The following PCDH15 variants were observed in gnomAD, a reference collection of about 807,000 sequenced individuals.
The protein encoded by PCDH15 is protocadherin related 15.
PCDH15 carries 129 observed loss-of-function variants against 178.5 expected under a neutral mutation model. The observed-to-expected ratio is 0.72, with a 90% CI of 0.63 to 0.84. The LOEUF (loss-of-function observed/expected upper bound fraction) is 0.84. Ranked by LOEUF, PCDH15 falls within the 40% of genes least tolerant of loss-of-function variation. PCDH15 has a pLI of 0.00. For synonymous variants in PCDH15, 800 were observed against 732.0 expected (o/e 1.09, Z -1.50); for missense variants, 2,230 against 2,099.9 (o/e 1.06, Z -1.21).
intron 2 of PCDH15, among the ~76,000 whole-genome samples, chr10:54,952,187 T>C (rs1838362448): frequency 6.6e-6 from 1 of 151,928 alleles, no homozygotes; most frequent in African/African-American, 2.4e-5. Flanking sequence ...GAACTAATTT[T>C]CATGAAAAGT....
At chr10:55,079,715 T>C (rs1307573435) in intron 2 of PCDH15, among the ~76,000 whole-genome samples, 1 of 151,914 alleles carries the variant, frequency 6.6e-6, no homozygotes, top group Non-Finnish European at 1.5e-5. Context: ...ACAGTGAACG[T>C]TTGTGTTGGC....
chr10:54,656,778 G>A (rs2094413525), intron 2 of PCDH15, among the ~76,000 whole-genome samples: 1 of 152,158 alleles, frequency 6.6e-6, no homozygotes. Context: ...CCTGCCTTGA[G>A]AGAAAGGAAA....
At chr10:54,179,533 A>G (rs2133752069) in intron 13 of PCDH15, among the ~76,000 whole-genome samples, 1 of 152,170 alleles carries the variant, frequency 6.6e-6, no homozygotes, top group Middle Eastern at 3.4e-3. Context: ...ACTAACCTGC[A>G]CATTGTGCAC....
chr10:54,208,817 T>C (rs567595489), intron 10 of PCDH15, among the ~76,000 whole-genome samples: 238 of 152,128 alleles, frequency 1.6e-3, no homozygotes, highest in African/African-American at 5.2e-3. Flanking sequence ...TATTTCCAGA[T>C]ATAGAAGATA....
At chr10:55,617,971 T>C (rs1027317108) in intron 2 of PCDH15, among the ~76,000 whole-genome samples, 2 of 152,080 alleles carry the variant, frequency 1.3e-5, no homozygotes, top group Non-Finnish European at 2.9e-5. Context: ...GAAAGGCATG[T>C]GAATCCTATA....
At chr10:54,438,652 CTT>C (rs1406640629) in intron 3 of PCDH15, among the ~76,000 whole-genome samples, 1 of 152,048 alleles carries the variant, frequency 6.6e-6, no homozygotes, top group African/African-American at 2.4e-5. Flanking sequence ...TCTTGAAACT[CTT>C]GAGGACACCT....
intron 2 of PCDH15, chr10:54,655,609 G>A (rs988195576): frequency 2.0e-5 from 3 of 152,098 alleles, no homozygotes; most frequent in Non-Finnish European, 4.4e-5. Flanking sequence ...CTGGAATACG[G>A]AGAAGCTATT....
chr10:54,549,762 T>C (rs11004377), intron 2 of PCDH15, among the ~76,000 whole-genome samples: 38,845 of 151,858 alleles, frequency 0.26, 5,244 homozygotes, highest in Admixed American at 0.35. Flanking sequence ...TATCAATTGT[T>C]GACAATAATG....
intron 2 of PCDH15, among the ~76,000 whole-genome samples, chr10:55,111,053 A>C (rs1017963370): frequency 4.6e-5 from 7 of 152,198 alleles, no homozygotes; most frequent in Admixed American, 6.5e-5. Flanking sequence ...AGTCAATGTC[A>C]AACATAGTCT....
intron 15 of PCDH15, among the ~76,000 whole-genome samples, chr10:54,102,325 T>C (rs1321602265): frequency 6.6e-6 from 1 of 152,184 alleles, no homozygotes; most frequent in African/African-American, 2.4e-5. Context: ...ATGTTTCCGG[T>C]GGGCCTTATG....
intron 2 of PCDH15, among the ~76,000 whole-genome samples, chr10:55,116,309 T>C (rs1332768580): frequency 5.9e-5 from 9 of 152,200 alleles, no homozygotes; most frequent in Admixed American, 5.9e-4. Context: ...TAACCAGGCA[T>C]GCTATTTTCT....
chr10:54,838,967 C>T (rs896421107), intron 3 of PCDH15, among the ~76,000 whole-genome samples: 4 of 152,254 alleles, frequency 2.6e-5, no homozygotes, highest in African/African-American at 2.4e-5. Context: ...CCCTGTGACT[C>T]AGCTCTAATC....
chr10:53,923,464 G>A (rs1055068813), intron 25 of PCDH15, among the ~76,000 whole-genome samples: 4 of 152,152 alleles, frequency 2.6e-5, no homozygotes, highest in African/African-American at 9.7e-5. Context: ...ATAAAATTCT[G>A]TTTTTGCTTT....
intron 3 of PCDH15, among the ~76,000 whole-genome samples, chr10:54,435,416 G>T (rs1193881865): frequency 6.6e-6 from 1 of 152,046 alleles, no homozygotes; most frequent in Non-Finnish European, 1.5e-5. Context: ...AACATGCTGG[G>T]GCCTTCTCAA....
At chr10:54,250,154 C>T (rs567682293) in intron 8 of PCDH15, among the ~76,000 whole-genome samples, 2 of 151,650 alleles carry the variant, frequency 1.3e-5, no homozygotes, top group African/African-American at 4.8e-5. Flanking sequence ...GCAAAAGGCC[C>T]ACCTCAGCCT....
intron 3 of PCDH15, among the ~76,000 whole-genome samples, chr10:54,428,296 G>T (rs1486385402): frequency 5.9e-5 from 9 of 152,128 alleles, no homozygotes; most frequent in African/African-American, 1.9e-4. Context: ...GCCTCAATTT[G>T]GGACAACTCT....
At chr10:54,516,081 G>A (rs2082185037) in intron 3 of PCDH15, among the ~76,000 whole-genome samples, 1 of 152,164 alleles carries the variant, frequency 6.6e-6, no homozygotes, top group African/African-American at 2.4e-5. Flanking sequence ...ACTCTAAAAA[G>A]CAGAGCGCCT....
chr10:54,729,906 T>C (rs1943101276), intron 1 of PCDH15, among the ~76,000 whole-genome samples: 1 of 151,460 alleles, frequency 6.6e-6, no homozygotes, highest in South Asian at 2.1e-4. Context: ...ACAAAGATCC[T>C]GGCAAGGTTG....
intron 21 of PCDH15, among the ~76,000 whole-genome samples, chr10:53,978,288 G>A (rs2090352561): frequency 6.6e-6 from 1 of 152,142 alleles, no homozygotes; most frequent in Non-Finnish European, 1.5e-5. Context: ...CTAGGCAGAG[G>A]TTCCTAAACT....
Sources: gnomAD v4.1 joint callset for allele counts (sites outside exome capture counted in the v4.1 genomes callset) on GRCh38, gnomAD v4.1.1 for gene constraint, MANE v1.5 for transcripts, NCBI Gene and HGNC (gene_info 2026-07-23, HGNC 2026-07-21) for gene names.